Variants in ANO7 observed in about 807,000 individuals in gnomAD.
The protein encoded by ANO7 is anoctamin 7.
Under a neutral mutation model 115.8 loss-of-function variants are expected in ANO7, and 114 were observed. The observed-to-expected ratio is 0.98, with a 90% CI of 0.85 to 1.15. ANO7 has a LOEUF of 1.15. Among genes scored for constraint, ANO7 ranks in the 50% most tolerant of loss-of-function variants. The pLI is 0.00. For synonymous variants in ANO7, 550 were observed against 498.2 expected, an observed-to-expected ratio of 1.10 and a Z score of -1.38; for missense variants, 1,302 against 1,201.2, an observed-to-expected ratio of 1.08 and a Z score of -1.24.
Position 241,203,069 on chromosome 2 carries a change from G to A in ANO7, c.724-264G>A, listed in dbSNP as rs1294607861. On this transcript the variant is annotated intron_variant, in intron 8 of 24. Transcript: ENST00000674324. This position sits in a 1 kb window ranked among gnomAD's most constrained non-coding sequence, Gnocchi z 4.8. ...GACCACCGCCACTGGCTTCTCTCAG[G>A]GTGGCCTCTCCAGGCCCTTCCCCGC... 6.6e-6 allele frequency among the ~76,000 whole-genome samples: 1 copy of A among 152,126 alleles called. No individual in the cohort carries two copies. Among genetic ancestry groups the A allele is most frequent in the Non-Finnish European group, 1.5e-5 (1 of 67,998 alleles).
chr2:241,203,230 C>A lies in ANO7; in HGVS notation c.724-103C>A. ...TCTTCATGGAGCAATCCCAGACTCC[C>A]AGGCCTGTCTGCCCATGTCCCACAC... On this transcript the variant is annotated intron_variant, in intron 8 of 24. Coordinates refer to ENST00000674324, the MANE Select transcript of ANO7 (RefSeq NM_001370694.2). The surrounding 1 kb of genome is among the most constrained non-coding windows in gnomAD (Gnocchi z 4.8). The A allele has an allele frequency of 1.1e-6, 1 of 950,586 alleles. No homozygotes were observed. Among genetic ancestry groups the A allele is most frequent in the Non-Finnish European group, 1.5e-6 (1 of 670,398 alleles). 58.9% of individuals were successfully genotyped at this position (950,586 alleles called of 1,614,324 possible). A position where few individuals can be genotyped will look rare whatever the true frequency, so the allele number is the denominator to read the frequency against.
chr2:241,218,492 C>T (rs1475599329), intron 21 of ANO7, 111 bp downstream of exon 21: 10 of 464,958 alleles, frequency 2.2e-5, no homozygotes, highest in Non-Finnish European at 2.7e-5. Context: ...CGGGCGCCGC[C>T]GGGCAAGGCC....
At chr2:241,237,390 C>T in the ANO7 span, among the ~76,000 whole-genome samples, 3 of 152,106 alleles carry the variant, frequency 2.0e-5, no homozygotes, top group South Asian at 2.1e-4. Flanking sequence ...CGCGTGTGTA[C>T]CAAAATAGAC....
At position 241,224,207 on chromosome 2, in the gene ANO7, C is replaced by T. The variant is rs1034491508; in HGVS notation, c.*54C>T. 38 of 1,588,852 alleles carry T rather than the reference C, an allele frequency of 2.4e-5. No homozygotes were observed. The highest frequency in any genetic ancestry group is 3.3e-4 in the Middle Eastern group (2 of 6,010). ...GGGGAGTGGCCCCTCCTGAGCCCTGCGAGCAGCGTCCTTTTCCTCTTCCCT... is the reference window on the plus strand; with the variant it reads ...GGGGAGTGGCCCCTCCTGAGCCCTGTGAGCAGCGTCCTTTTCCTCTTCCCT... On this transcript the variant is annotated 3_prime_UTR_variant, in exon 25 of 25. Coordinates refer to ENST00000674324, the MANE Select transcript of ANO7 (RefSeq NM_001370694.2).
At chr2:241,234,011 C>G in the ANO7 span, 34 of 1,604,736 alleles carry the variant, frequency 2.1e-5, no homozygotes, top group African/African-American at 4.3e-4. Flanking sequence ...GCTGATCCAC[C>G]CTGTGACTCC....
chr2:241,231,051 G>A, the ANO7 span: 4 of 934,898 alleles, frequency 4.3e-6, no homozygotes, highest in Non-Finnish European at 6.6e-6. Flanking sequence ...AGAGAAGATG[G>A]AAAGCAACGT....
At chr2:241,215,553 G>A (rs897345010) in intron 18 of ANO7, among the ~76,000 whole-genome samples, 14 of 152,246 alleles carry the variant, frequency 9.2e-5, no homozygotes, top group African/African-American at 2.9e-4. Context: ...GCCACATCCC[G>A]AGAGATGGCC....
At chr2:241,193,631 A>G (rs1166060337) in intron 3 of ANO7, among the ~76,000 whole-genome samples, 1 of 152,158 alleles carries the variant, frequency 6.6e-6, no homozygotes, top group Admixed American at 6.6e-5. Flanking sequence ...CCTCTGAGAA[A>G]ATCATGCCTT....
chr2:241,227,065 ACTGT>A (rs1485172850), downstream of ANO7, among the ~76,000 whole-genome samples: 32 of 150,764 alleles, frequency 2.1e-4, no homozygotes, highest in South Asian at 4.2e-4. Flanking sequence ...GCAACTGCTG[ACTGT>A]CTGGCAGCCA....
At chr2:241,236,395 G>T in the ANO7 span, 1 of 572,716 alleles carries the variant, frequency 1.7e-6, no homozygotes. Context: ...GTCCCAGAAA[G>T]GGGCTATAGA....
the ANO7 span, among the ~76,000 whole-genome samples, chr2:241,234,132 T>C: frequency 6.6e-6 from 1 of 152,194 alleles, no homozygotes; most frequent in Non-Finnish European, 1.5e-5. Flanking sequence ...CCTTCCATTA[T>C]CTGCTAATAA....
the ANO7 span, chr2:241,234,016 G>A: frequency 6.2e-7 from 1 of 1,601,094 alleles, no homozygotes; most frequent in South Asian, 1.1e-5. Context: ...TCCACCCTGT[G>A]ACTCCATTCC....
chr2:241,213,745 C>T (rs2068764925), intron 17 of ANO7, among the ~76,000 whole-genome samples: 1 of 152,190 alleles, frequency 6.6e-6, no homozygotes, highest in South Asian at 2.1e-4. Flanking sequence ...GACCCCTGGC[C>T]TGAAAGACCT....
chr2:241,211,637 T>G (rs2068722488), intron 15 of ANO7, among the ~76,000 whole-genome samples: 3 of 152,150 alleles, frequency 2.0e-5, no homozygotes, highest in Non-Finnish European at 4.4e-5. Flanking sequence ...GGTTCCTGGT[T>G]CTGGATGGCC....
chr2:241,231,240 C>T, the ANO7 span: 1 of 284,778 alleles, frequency 3.5e-6, no homozygotes, highest in Non-Finnish European at 6.8e-6. Flanking sequence ...CAATATTAGC[C>T]GGGCGTGGTG....
Position 241,224,262 on chromosome 2 carries a change from C to T in ANO7, c.*109C>T, listed in dbSNP as rs1324507591. 3 of 1,249,496 alleles carry T rather than the reference C, an allele frequency of 2.4e-6. No individual in the cohort carries two copies. Among genetic ancestry groups the T allele is most frequent in the African/African-American group, 1.5e-5 (1 of 67,302 alleles). 77.4% of individuals were successfully genotyped at this position (1,249,496 alleles called of 1,614,324 possible). A position where few individuals can be genotyped will look rare whatever the true frequency, so the allele number is the denominator to read the frequency against. On this transcript the variant is annotated 3_prime_UTR_variant, in exon 25 of 25. Transcript: ENST00000674324. Reference sequence around the variant, plus strand: ...CAGCGGCTGTGTGAACCGCTGGCTGCTGTTGTGCCTCATCTCTGGGCACAT... The same window carrying T: ...CAGCGGCTGTGTGAACCGCTGGCTGTTGTTGTGCCTCATCTCTGGGCACAT...
Position 241,188,685 on chromosome 2 carries a change from C to T in ANO7, c.-89C>T. On this transcript the variant is annotated 5_prime_UTR_variant, in exon 1 of 25. It adds an upstream start codon to the 5' untranslated region. Coordinates refer to ENST00000674324, the MANE Select transcript of ANO7 (RefSeq NM_001370694.2). This position sits in a 1 kb window ranked among gnomAD's most constrained non-coding sequence, Gnocchi z 4.3. Reference sequence around the variant, plus strand: ...CCCACCCTCTGTCCCGCAGTGAGGACGGGACTCTACTGCCGAGACCAGGCT... The same window carrying T: ...CCCACCCTCTGTCCCGCAGTGAGGATGGGACTCTACTGCCGAGACCAGGCT... The T allele has an allele frequency of 3.7e-6, 6 of 1,613,430 alleles. No individual in the cohort carries two copies. The highest frequency in any genetic ancestry group is 5.1e-6 in the Non-Finnish European group (6 of 1,179,926).
intron 3 of ANO7, among the ~76,000 whole-genome samples, chr2:241,195,080 C>T (rs571443330): frequency 7.2e-5 from 11 of 152,296 alleles, no homozygotes; most frequent in Non-Finnish European, 1.3e-4. Context: ...CTCACAGACC[C>T]GGTGGCTCCG....
In ANO7 at chr2:241,203,211, T is replaced by C; in HGVS notation, c.724-122T>C. 1.5e-6 allele frequency: 1 copy of C among 662,298 alleles called. No individual in the cohort carries two copies. 41.0% of individuals were successfully genotyped at this position (662,298 alleles called of 1,614,324 possible). A position where few individuals can be genotyped will look rare whatever the true frequency, so the allele number is the denominator to read the frequency against. Reference sequence around the variant, plus strand: ...TCCACATTACTCTATTTTTTCTTCATGGAGCAATCCCAGACTCCCAGGCCT... The same window carrying C: ...TCCACATTACTCTATTTTTTCTTCACGGAGCAATCCCAGACTCCCAGGCCT... On this transcript the variant is annotated intron_variant, in intron 8 of 24. Transcript: ENST00000674324. The surrounding 1 kb of genome is among the most constrained non-coding windows in gnomAD (Gnocchi z 4.8).
Sources: allele counts gnomAD v4.1 joint callset (sites outside exome capture counted in the v4.1 genomes callset), GRCh38; gene constraint gnomAD v4.1.1; non-coding constraint Gnocchi (gnomAD v3.1); transcripts MANE v1.5; gene names NCBI Gene and HGNC (gene_info 2026-07-23, HGNC 2026-07-21).